Variants in DNAJC24 observed in about 807,000 individuals in gnomAD.
DNAJC24 encodes dnaJ homolog subfamily C member 24.
DNAJC24 carries 17 observed loss-of-function variants against 18.0 expected under a neutral mutation model. The observed-to-expected ratio is 0.94, with a 90% CI of 0.65 to 1.42. The LOEUF (loss-of-function observed/expected upper bound fraction) is 1.42, where lower values mean the gene tolerates loss of function less well. DNAJC24 is among the 40% of genes most tolerant of loss of function. DNAJC24 has a pLI of 0.00. For synonymous variants in DNAJC24, 55 were observed against 57.7 expected (o/e 0.95, Z 0.21); for missense variants, 158 against 175.6 (o/e 0.90, Z 0.57).
intron 2 of DNAJC24, among the ~76,000 whole-genome samples, chr11:31,386,507 G>T (rs1397358531): frequency 6.6e-6 from 1 of 151,952 alleles, no homozygotes; most frequent in Non-Finnish European, 1.5e-5. Flanking sequence ...AGCCAGAGGG[G>T]AACCTTCTGC....
intron 2 of DNAJC24, among the ~76,000 whole-genome samples, chr11:31,403,125 ATGTGTGTGTGTG>A (rs3979423): frequency 2.7e-5 from 4 of 146,678 alleles, no homozygotes; most frequent in Middle Eastern, 3.4e-3. Flanking sequence ...GCATATATGC[ATGTGTGTGTGTG>A]TGTGTGTGTG....
At chr11:31,392,857 C>T (rs891872517) in intron 2 of DNAJC24, among the ~76,000 whole-genome samples, 3 of 152,078 alleles carry the variant, frequency 2.0e-5, no homozygotes, top group African/African-American at 7.2e-5. Flanking sequence ...CCATGTCAGC[C>T]AGCCTGGTCT....
intron 4 of DNAJC24, chr11:31,426,600 A>G (rs1230911281): frequency 2.9e-6 from 1 of 342,996 alleles, no homozygotes; most frequent in African/African-American, 2.1e-5. Context: ...AGGAACATAA[A>G]GTTTCATAAG....
intron 2 of DNAJC24, among the ~76,000 whole-genome samples, chr11:31,401,398 A>G (rs1564952680): frequency 6.6e-6 from 1 of 151,652 alleles, no homozygotes; most frequent in Non-Finnish European, 1.5e-5. Flanking sequence ...TCAAAACATT[A>G]TCCTTCCTTT....
intron 3 of DNAJC24, among the ~76,000 whole-genome samples, chr11:31,426,048 T>C (rs749632305): frequency 9.2e-5 from 14 of 152,176 alleles, no homozygotes; most frequent in Non-Finnish European, 1.8e-4. Context: ...TGTTGCATGA[T>C]TGTGAAAAAC....
intron 2 of DNAJC24, among the ~76,000 whole-genome samples, chr11:31,392,326 T>C (rs1009500806): frequency 6.6e-6 from 1 of 152,168 alleles, no homozygotes; most frequent in Non-Finnish European, 1.5e-5. Flanking sequence ...GTGACTATTA[T>C]GTGTTGTGTG....
chr11:31,422,023 T>C, intron 3 of DNAJC24: 1 of 421,454 alleles, frequency 2.4e-6, no homozygotes, highest in South Asian at 1.8e-5. Context: ...GATCCCACTG[T>C]TGAGACAATG....
At chr11:31,418,898 C>T (rs533827240) in intron 3 of DNAJC24, among the ~76,000 whole-genome samples, 23 of 151,896 alleles carry the variant, frequency 1.5e-4, no homozygotes, top group Admixed American at 2.6e-4. Flanking sequence ...ATAAATGGAA[C>T]GAAATATAAG....
intron 2 of DNAJC24, among the ~76,000 whole-genome samples, chr11:31,376,581 A>T (rs748547504): frequency 1.3e-5 from 2 of 152,224 alleles, no homozygotes; most frequent in Non-Finnish European, 2.9e-5. Context: ...TGTACTTGAG[A>T]AAATGAAGGC....
At chr11:31,417,397 T>C (rs767932900) in intron 3 of DNAJC24, 1 of 152,030 alleles carries the variant, frequency 6.6e-6, no homozygotes, top group Non-Finnish European at 1.5e-5. Context: ...GTAAAATGGC[T>C]CCTCAAAAAA....
chr11:31,402,618 C>G (rs1189104344), intron 2 of DNAJC24, among the ~76,000 whole-genome samples: 1 of 152,126 alleles, frequency 6.6e-6, no homozygotes, highest in Non-Finnish European at 1.5e-5. Flanking sequence ...AAGTGCACCT[C>G]CCACCTCAGC....
At chr11:31,401,121 A>G (rs1217023068) in intron 2 of DNAJC24, among the ~76,000 whole-genome samples, 1 of 152,174 alleles carries the variant, frequency 6.6e-6, no homozygotes. Flanking sequence ...AAGAAACATG[A>G]AAAAAAGCTC....
intron 3 of DNAJC24, among the ~76,000 whole-genome samples, 160 bp from the exon 4 acceptor site, chr11:31,426,127 G>A (rs937513730): frequency 3.0e-4 from 45 of 152,112 alleles, no homozygotes; most frequent in Admixed American, 2.8e-3. Context: ...CTAAAGTCAG[G>A]TTACTTTAAC....
At chr11:31,386,632 G>A (rs604734) in intron 2 of DNAJC24, among the ~76,000 whole-genome samples, 14,760 of 151,594 alleles carry the variant, frequency 0.097, 1,986 homozygotes, top group African/African-American at 0.3. Flanking sequence ...TGGGTAAGAC[G>A]CAGGGCTGTG....
chr11:31,426,313 G>A lies in DNAJC24; in HGVS notation c.277G>A (p.Val93Ile), dbSNP rs1331889410. The A allele has an allele frequency of 1.3e-6, 2 of 1,570,690 alleles. No individual in the cohort carries two copies. Among genetic ancestry groups the A allele is most frequent in the Non-Finnish European group, 1.7e-6 (2 of 1,160,474 alleles). ...AGATGATCTAAGAAATGTAGGACCA[G>A]TAGATGCTCAAGTATATCTTGAAGA... ...CEDDLRNVGP[V>I]DAQVYLEEMS... The change falls in exon 4 of 5, where the codon GTA (valine) becomes ATA (isoleucine). Residue 93 changes from valine to isoleucine, a missense_variant. Transcript: ENST00000465995.
At chr11:31,379,428 T>G (rs889837530) in intron 2 of DNAJC24, among the ~76,000 whole-genome samples, 5 of 152,186 alleles carry the variant, frequency 3.3e-5, no homozygotes, top group Admixed American at 2.0e-4. Context: ...AAAAATTGTT[T>G]TCCACAAAAC....
chr11:31,380,168 A>G (rs1952362382), intron 2 of DNAJC24, among the ~76,000 whole-genome samples: 1 of 152,238 alleles, frequency 6.6e-6, no homozygotes, highest in Non-Finnish European at 1.5e-5. Flanking sequence ...TATTTATCAC[A>G]TAGTCTAGCT....
intron 1 of DNAJC24, 36 bp from the exon 2 acceptor site, chr11:31,370,680 A>C (rs977895418): frequency 9.2e-7 from 1 of 1,081,278 alleles, no homozygotes. Context: ...GATACATGGC[A>C]AACTGTGATG....
chr11:31,387,831 A>G (rs1206287127), intron 2 of DNAJC24, among the ~76,000 whole-genome samples: 1 of 152,202 alleles, frequency 6.6e-6, no homozygotes, highest in Non-Finnish European at 1.5e-5. Context: ...TAGAGAATTC[A>G]AAATAGGTGT....
Sources: allele counts gnomAD v4.1 joint callset (sites outside exome capture counted in the v4.1 genomes callset), GRCh38; gene constraint gnomAD v4.1.1; transcripts MANE v1.5; gene names NCBI Gene and HGNC (gene_info 2026-07-23, HGNC 2026-07-21).